RPF2: variants seen among roughly 807,000 people sequenced by gnomAD.
RPF2 encodes the protein brix domain containing 1.
A neutral mutation model predicts 38.9 loss-of-function variants in RPF2; 21 were observed. The ratio of observed to expected loss-of-function variants is 0.54; its 90% CI spans 0.38 to 0.78. The LOEUF (loss-of-function observed/expected upper bound fraction) is 0.78. Ranked by LOEUF, RPF2 falls within the 30% of genes least tolerant of loss-of-function variation. The pLI is 0.00. For missense variants in RPF2, 314 were observed against 358.1 expected (o/e 0.88, Z 0.99); for synonymous variants, 121 against 126.2 (o/e 0.96, Z 0.28).
intron 3 of RPF2, among the ~76,000 whole-genome samples, chr6:110,990,853 G>A (rs1160719299): frequency 1.3e-5 from 2 of 152,192 alleles, no homozygotes; most frequent in East Asian, 1.9e-4. Flanking sequence ...GATTACAGGC[G>A]TGAGCCACTG....
At chr6:111,009,307 C>G (rs1178633546) in intron 7 of RPF2, among the ~76,000 whole-genome samples, 1 of 152,124 alleles carries the variant, frequency 6.6e-6, no homozygotes. Flanking sequence ...ACCCGCCTCG[C>G]CCTCCCAAAG....
Position 111,025,509 on chromosome 6 carries a change from G to C in RPF2, c.848G>C (p.Gly283Ala). 1 of 1,613,540 alleles carries C rather than the reference G, an allele frequency of 6.2e-7. No individual in the cohort carries two copies. ...AAACTACAAACCAGGAAAATGAAGG[G>C]GTTGAAGAAGCGACCTGCAGAAAGG... The part of the protein sequence containing the change: ...LSKLQTRKMK[G>A]LKKRPAERIT... The change falls in exon 10 of 10, where the codon GGG (glycine) becomes GCG (alanine). Residue 283 changes from glycine to alanine, a missense_variant. Transcript: ENST00000441448.
chr6:110,989,083 T>A lies in RPF2; in HGVS notation c.194+18T>A, dbSNP rs750109048. 4.6e-6 allele frequency: 7 copies of A among 1,523,524 alleles called. No homozygotes were observed. Among genetic ancestry groups the A allele is most frequent in the Non-Finnish European group, 6.1e-6 (7 of 1,142,042 alleles). 94.4% of individuals were successfully genotyped at this position (1,523,524 alleles called of 1,614,324 possible). ...TATAAAAAGTAAGTCATGATTTCTT[T>A]TACTGTATTTTAAATGATTTTGTTT... On this transcript the variant is annotated intron_variant, in intron 3 of 9. Coordinates refer to ENST00000441448, the MANE Select transcript of RPF2 (RefSeq NM_032194.3).
intron 2 of RPF2, among the ~76,000 whole-genome samples, chr6:110,986,955 T>TAA (rs775630971): frequency 8.0e-6 from 1 of 125,120 alleles, no homozygotes. Flanking sequence ...AGACTCCAAC[T>TAA]AAAAAAAAAA....
chr6:111,016,609 A>AC (rs1412191420), intron 8 of RPF2, among the ~76,000 whole-genome samples: 1 of 151,406 alleles, frequency 6.6e-6, no homozygotes, highest in Non-Finnish European at 1.5e-5. Context: ...ACAAAAAACA[A>AC]AAAACTCTTA....
intron 1 of RPF2, among the ~76,000 whole-genome samples, chr6:110,983,613 T>C (rs895663712): frequency 2.6e-5 from 4 of 152,186 alleles, no homozygotes; most frequent in African/African-American, 9.6e-5. Flanking sequence ...AGAGTGTTTT[T>C]ATTACAGGCT....
At chr6:110,991,838 C>A in intron 4 of RPF2, 52 bp downstream of exon 4, 1 of 682,198 alleles carries the variant, frequency 1.5e-6, no homozygotes, top group Non-Finnish European at 2.3e-6. Context: ...AGTAATTATT[C>A]AGACTAATTC....
rs1164176482 is a variant in RPF2 at position 111,027,760 on chromosome 6, A to G, written c.*2178A>G. 1 of 152,216 alleles carries G rather than the reference A, an allele frequency of 6.6e-6. No homozygotes were observed. The highest frequency in any genetic ancestry group is 6.5e-5 in the Admixed American group (1 of 15,270). 9.4% of individuals were successfully genotyped at this position (152,216 alleles called of 1,614,324 possible). On this transcript the variant is annotated 3_prime_UTR_variant, in exon 10 of 10. Transcript: ENST00000441448. Reference sequence around the variant, plus strand: ...TGTGTCTGATGGTAGAGGATCTAATAAGTATTGGAATGCTTCCTATTTGCT... The same window carrying G: ...TGTGTCTGATGGTAGAGGATCTAATGAGTATTGGAATGCTTCCTATTTGCT...
At chr6:111,018,766 T>C (rs1251741196) in intron 8 of RPF2, among the ~76,000 whole-genome samples, 1 of 152,218 alleles carries the variant, frequency 6.6e-6, no homozygotes, top group East Asian at 1.9e-4. Flanking sequence ...TTAGAGACTT[T>C]ATAGTAATTT....
At chr6:110,998,363 T>A (rs940533357) in intron 5 of RPF2, among the ~76,000 whole-genome samples, 1 of 152,076 alleles carries the variant, frequency 6.6e-6, no homozygotes, top group Admixed American at 6.6e-5. Flanking sequence ...CCATTTTGCC[T>A]CCTAGTGTGC....
chr6:111,022,417 C>T (rs1267891320), intron 8 of RPF2, among the ~76,000 whole-genome samples: 1 of 152,142 alleles, frequency 6.6e-6, no homozygotes, highest in Non-Finnish European at 1.5e-5. Flanking sequence ...TTGCAGATAA[C>T]TAAAAGCTAG....
chr6:111,020,805 T>C (rs895698804), intron 8 of RPF2, among the ~76,000 whole-genome samples: 1 of 151,894 alleles, frequency 6.6e-6, no homozygotes, highest in Non-Finnish European at 1.5e-5. Flanking sequence ...TGAGCCAAGA[T>C]CGCACCACTG....
chr6:111,000,477 T>C (rs1771795140), intron 6 of RPF2, among the ~76,000 whole-genome samples: 1 of 152,180 alleles, frequency 6.6e-6, no homozygotes, highest in Admixed American at 6.6e-5. Context: ...CCCAGGAAGC[T>C]CTGGCTGATT....
At chr6:111,009,517 A>T (rs543386650) in intron 7 of RPF2, among the ~76,000 whole-genome samples, 1 of 151,902 alleles carries the variant, frequency 6.6e-6, no homozygotes, top group African/African-American at 2.4e-5. Context: ...CTTTATTACC[A>T]TCATCATCCT....
rs1490059527 is a variant in RPF2 at position 111,011,312 on chromosome 6, T to C, written c.493+3175T>C. ...TCTTTCTTTCTTTCTTTCTTTCTTTTTTTTTTTGAGACATAGTCTCACTCT... is the reference window on the plus strand; with the variant it reads ...TCTTTCTTTCTTTCTTTCTTTCTTTCTTTTTTTGAGACATAGTCTCACTCT... On this transcript the variant is annotated intron_variant, in intron 7 of 9. Coordinates refer to ENST00000441448, the MANE Select transcript of RPF2 (RefSeq NM_032194.3). Among the ~76,000 whole-genome samples, 12 of 145,360 alleles carry C rather than the reference T, an allele frequency of 8.3e-5. No individual in the cohort carries two copies. In the East Asian group the frequency reaches 9.8e-4, roughly 12 times the overall value.
chr6:111,002,375 C>T (rs112688498), intron 6 of RPF2, among the ~76,000 whole-genome samples: 1,673 of 152,310 alleles, frequency 0.011, 30 homozygotes, highest in African/African-American at 0.038. Context: ...AGGTCTCACT[C>T]TGTTGCCCAG....
At chr6:111,011,195 C>T (rs543568000) in intron 7 of RPF2, among the ~76,000 whole-genome samples, 1 of 152,258 alleles carries the variant, frequency 6.6e-6, no homozygotes, top group African/African-American at 2.4e-5. Flanking sequence ...CCATATTTTC[C>T]ATGAATTAAA....
At chr6:110,993,552 A>G (rs890032958) in intron 4 of RPF2, among the ~76,000 whole-genome samples, 4 of 152,134 alleles carry the variant, frequency 2.6e-5, no homozygotes, top group African/African-American at 9.7e-5. Context: ...GTACTTAATC[A>G]AGGCCTGGTT....
rs543356200 is a variant in RPF2, at chr6:111,016,679, T to C, written c.596+823T>C. On this transcript the variant is annotated intron_variant, in intron 8 of 9. Transcript: ENST00000441448. ...TGCTGTAATTGTGGTTCTTTTTTTT[T>C]TTTCTTTCTTTTTTTTTTTTTTAAT... is the stretch of plus-strand genomic sequence containing the variant. Among the ~76,000 whole-genome samples the C allele has an allele frequency of 3.4e-4, 42 of 124,590 alleles. No individual in the cohort carries two copies. In the South Asian group the frequency reaches 3.7e-3, roughly 11 times the overall value. The allele number at this position is 124,590 out of a possible 152,430, so 81.7% of individuals were successfully genotyped here.
Sources: gnomAD v4.1 joint callset for allele counts (sites outside exome capture counted in the v4.1 genomes callset) on GRCh38, gnomAD v4.1.1 for gene constraint, MANE v1.5 for transcripts, NCBI Gene and HGNC (gene_info 2026-07-23, HGNC 2026-07-21) for gene names.